ITPR1: variants seen among roughly 807,000 people sequenced by gnomAD.
The protein encoded by ITPR1 is inositol 1,4,5-trisphosphate-gated calcium channel ITPR1.
A neutral mutation model predicts 318.4 loss-of-function variants in ITPR1; 96 were observed. That is an observed-to-expected ratio of 0.30 (90% CI 0.26 to 0.36). The LOEUF (loss-of-function observed/expected upper bound fraction) is 0.36, where lower values mean the gene tolerates loss of function less well. Among genes scored for constraint, ITPR1 ranks in the 10% least tolerant of loss-of-function variants. The pLI, the probability that ITPR1 is intolerant of heterozygous loss-of-function variation, is 1.00. For missense variants in ITPR1, 2,440 were observed against 3,460.2 expected (o/e 0.71, Z 7.40); for synonymous variants, 1,312 against 1,289.9 (o/e 1.02, Z -0.37).
rs1392958198 is a variant in ITPR1, at chr3:4,660,792, A to G, written c.1152-196A>G. ...ATATAACAGTAACTGTAGAGTCGTT[A>G]TGAATGATTTTCTATTGTAAATGCA... On this transcript the variant is annotated intron_variant, in intron 13 of 61. Coordinates refer to ENST00000649015, the MANE Select transcript of ITPR1 (RefSeq NM_001378452.1). Among the ~76,000 whole-genome samples, 4 of 152,200 alleles carry G rather than the reference A, an allele frequency of 2.6e-5. No individual in the cohort carries two copies. The East Asian group carries it at 7.7e-4, about 29-fold the overall frequency.
rs796677230 is a variant in ITPR1, at chr3:4,787,547, A to AAAC, written c.6616-398_6616-397insCAA. Among the ~76,000 whole-genome samples the AAAC allele has an allele frequency of 5.4e-3, 814 of 149,684 alleles. 18 individuals are homozygous for AAAC. The highest frequency in any genetic ancestry group is 0.019 in the African/African-American group (770 of 40,820). The stretch of plus-strand genomic sequence containing the variant: ...CTGTCAATACTGGAGGAAAAAAAAA[A>AAAC]AAAAGCCAGGCGTGAAGGTGCGTGC... On this transcript the variant is annotated intron_variant, in intron 51 of 61. Coordinates refer to ENST00000649015, the MANE Select transcript of ITPR1 (RefSeq NM_001378452.1).
rs1417464938 is a variant in ITPR1, at chr3:4,710,658, TTTTTG to T, written c.4991+201_4991+205del. 6.6e-6 allele frequency among the ~76,000 whole-genome samples: 1 copy of T among 152,134 alleles called. No individual in the cohort carries two copies. Among genetic ancestry groups the T allele is most frequent in the Non-Finnish European group, 1.5e-5 (1 of 68,006 alleles). On this transcript the variant is annotated intron_variant, in intron 38 of 61. Transcript: ENST00000649015. The surrounding 1 kb of genome is among the most constrained non-coding windows in gnomAD (Gnocchi z 4.2). ...CTATTAAATCCTGCTTACTGACACT[TTTTTG>T]TTTTGTTTTGTTTTGCTTTGTTTTT...
chr3:4,610,635 GGTACTGAGGAT>G (rs2092011774), intron 4 of ITPR1, among the ~76,000 whole-genome samples: 1 of 152,136 alleles, frequency 6.6e-6, no homozygotes, highest in Admixed American at 6.5e-5. Context: ...GGTACTGAGA[GGTACTGAGGAT>G]GTAGAGTTCT....
intron 37 of ITPR1, 23 bp downstream of exon 37, chr3:4,706,374 G>A: frequency 6.3e-7 from 1 of 1,583,682 alleles, no homozygotes; most frequent in East Asian, 2.2e-5. Flanking sequence ...GTTGAGAGAA[G>A]TGATGCTTAG....
rs1553727649 is a variant in ITPR1 at position 4,754,048 on chromosome 3, T to TGGA, written c.5545-12480_5545-12479insAGG. On this transcript the variant is annotated intron_variant, in intron 44 of 61. Transcript: ENST00000649015. ...CGTGTGACTGCACAAACACAGAAAA[T>TGGA]GGGGGGGGGGTGGCAAGGATTATTC... 1.7e-4 allele frequency among the ~76,000 whole-genome samples: 16 copies of TGGA among 92,592 alleles called. No individual in the cohort carries two copies. The East Asian group carries it at 3.3e-3, about 19-fold the overall frequency. The allele number at this position is 92,592 out of a possible 152,430, so 60.7% of individuals were successfully genotyped here.
intron 4 of ITPR1, among the ~76,000 whole-genome samples, chr3:4,550,120 T>C (rs1042462331): frequency 1.3e-5 from 2 of 152,106 alleles, no homozygotes; most frequent in African/African-American, 2.4e-5. Flanking sequence ...ATTAGCAAGT[T>C]GTCTGCTAAC....
intron 4 of ITPR1, among the ~76,000 whole-genome samples, chr3:4,564,236 C>G (rs536201413): frequency 1.3e-5 from 2 of 152,150 alleles, no homozygotes; most frequent in Admixed American, 1.3e-4. Context: ...CCACCGCACC[C>G]GGCCGGGATT....
chr3:4,764,079 T>C (rs2045643597), intron 44 of ITPR1, among the ~76,000 whole-genome samples: 1 of 152,198 alleles, frequency 6.6e-6, no homozygotes, highest in African/African-American at 2.4e-5. Context: ...CAGTCCTCTG[T>C]AAGCCCGCAT....
At chr3:4,658,042 G>A (rs900625870) in intron 12 of ITPR1, 82 bp from the exon 13 acceptor site, 34 of 1,337,676 alleles carry the variant, frequency 2.5e-5, no homozygotes, top group Admixed American at 1.2e-4. Context: ...TTTCTTCTCC[G>A]TTCCTGTGGA....
intron 44 of ITPR1, among the ~76,000 whole-genome samples, chr3:4,748,734 T>G (rs887643520): frequency 1.3e-5 from 2 of 152,220 alleles, no homozygotes; most frequent in Non-Finnish European, 2.9e-5. Flanking sequence ...CGTTTAATTT[T>G]ACTTTCACAC....
At chr3:4,670,995 C>A (rs190867573) in intron 20 of ITPR1, 69 bp downstream of exon 20, 1 of 1,145,952 alleles carries the variant, frequency 8.7e-7, no homozygotes, top group Non-Finnish European at 1.2e-6. Flanking sequence ...ATTTGTTGCT[C>A]GTTTGTTGAT....
intron 12 of ITPR1, 114 bp downstream of exon 12, chr3:4,654,000 CT>C: frequency 1.5e-6 from 1 of 681,446 alleles, no homozygotes; most frequent in Non-Finnish European, 2.5e-6. Context: ...AAGGAGGAAC[CT>C]TAGGCTCCCT....
chr3:4,753,479 G>A (rs1212655116), intron 44 of ITPR1, among the ~76,000 whole-genome samples: 1 of 152,134 alleles, frequency 6.6e-6, no homozygotes, highest in African/African-American at 2.4e-5. Flanking sequence ...GATGCTCTCT[G>A]TGGCCGTGTG....
chr3:4,657,939 G>A (rs955523052), intron 12 of ITPR1, among the ~76,000 whole-genome samples, 185 bp from the exon 13 acceptor site: 4 of 152,188 alleles, frequency 2.6e-5, no homozygotes, highest in South Asian at 2.1e-4. Context: ...GAGGTAGAGC[G>A]TAAATATCCC....
chr3:4,701,725 A>G (rs1329907740), intron 35 of ITPR1, among the ~76,000 whole-genome samples: 1 of 152,038 alleles, frequency 6.6e-6, no homozygotes, highest in Non-Finnish European at 1.5e-5. Context: ...GCGTGACGGG[A>G]AGGTAATTCC....
chr3:4,665,069 C>T, intron 16 of ITPR1, 69 bp from the exon 17 acceptor site: 1 of 1,551,232 alleles, frequency 6.4e-7, no homozygotes, highest in East Asian at 2.2e-5. Context: ...GCTTGCATTA[C>T]TTCCAAACAG....
intron 21 of ITPR1, among the ~76,000 whole-genome samples, chr3:4,673,772 C>T (rs866706827): frequency 3.9e-4 from 60 of 152,168 alleles, no homozygotes; most frequent in Admixed American, 1.4e-3. Flanking sequence ...TTAGTAGGGA[C>T]GGGGTTTCAC....
At chr3:4,790,249 A>T (rs908416608) in intron 52 of ITPR1, among the ~76,000 whole-genome samples, 1 of 152,110 alleles carries the variant, frequency 6.6e-6, no homozygotes, top group Non-Finnish European at 1.5e-5. Context: ...TCTGCCCCCA[A>T]CAGGCTCCAT....
chr3:4,819,419 G>C (rs6768493), intron 60 of ITPR1, among the ~76,000 whole-genome samples: 89,800 of 152,044 alleles, frequency 0.59, 26,520 homozygotes, highest in Middle Eastern at 0.66. Flanking sequence ...TGACTCAGCA[G>C]TCACTTCCAG....
Sources: allele counts gnomAD v4.1 joint callset (sites outside exome capture counted in the v4.1 genomes callset), GRCh38; gene constraint gnomAD v4.1.1; non-coding constraint Gnocchi (gnomAD v3.1); transcripts MANE v1.5; gene names NCBI Gene and HGNC (gene_info 2026-07-23, HGNC 2026-07-21).